MYO3A: variants seen among roughly 807,000 people sequenced by gnomAD.
MYO3A encodes myosin IIIA.
A neutral mutation model predicts 192.7 loss-of-function variants in MYO3A; 180 were observed. That is an observed-to-expected ratio of 0.93 (90% confidence interval 0.83 to 1.06). The LOEUF (loss-of-function observed/expected upper bound fraction) is 1.06, where lower values mean the gene tolerates loss of function less well. MYO3A is among the 50% of genes least tolerant of loss of function. MYO3A has a pLI of 0.00. For missense variants in MYO3A, 1,896 were observed against 1,905.0 expected (o/e 1.00, Z 0.09); for synonymous variants, 628 against 645.3 (o/e 0.97, Z 0.41).
chr10:26,211,704 G>C (rs1450577754), intron 34 of MYO3A, 139 bp from the exon 35 acceptor site: 1 of 1,335,906 alleles, frequency 7.5e-7, no homozygotes, highest in Admixed American at 2.3e-5. Flanking sequence ...CCATTATCCA[G>C]TCGTTTCGAT....
chr10:25,966,063 T>A (rs952658164), intron 4 of MYO3A, among the ~76,000 whole-genome samples: 2 of 152,106 alleles, frequency 1.3e-5, no homozygotes, highest in African/African-American at 4.8e-5. Context: ...AAGGTGTTTT[T>A]TTCTGTGTAC....
intron 10 of MYO3A, among the ~76,000 whole-genome samples, chr10:26,034,924 AGC>A (rs1842958450): frequency 3.3e-5 from 5 of 151,014 alleles, no homozygotes; most frequent in African/African-American, 9.7e-5. Flanking sequence ...TTTTACATGA[AGC>A]GTGTGTGTGT....
chr10:26,141,927 A>G, intron 20 of MYO3A, among the ~76,000 whole-genome samples: 1 of 152,210 alleles, frequency 6.6e-6, no homozygotes, highest in East Asian at 1.9e-4. Context: ...CATAGTGACT[A>G]AAAGCTCTGG....
At position 26,070,209 on chromosome 10, in the gene MYO3A, A is replaced by G. The variant is rs772862530; in HGVS notation, c.1269A>G (p.Ser423=). The change falls in exon 13 of 35, where the codon TCA becomes TCG. Residue 423 remains serine (S), a synonymous_variant. Transcript: ENST00000642920. ...LGYQSMITYN[S]DQCIVISGES... The stretch of plus-strand genomic sequence containing the variant: ...ATCAATCTATGATAACATATAATTC[A>G]GATCAGGTAAGAAGAGTCTCCCATT... 6.2e-7 allele frequency: 1 copy of G among 1,607,346 alleles called. No individual in the cohort carries two copies. Among genetic ancestry groups the G allele is most frequent in the Non-Finnish European group, 8.5e-7 (1 of 1,174,060 alleles).
At chr10:26,134,948 T>G (rs1461477775) in intron 20 of MYO3A, among the ~76,000 whole-genome samples, 2 of 152,234 alleles carry the variant, frequency 1.3e-5, no homozygotes, top group Non-Finnish European at 2.9e-5. Flanking sequence ...TCTATGTAGC[T>G]TCTTTCCTGT....
At chr10:26,060,263 A>C (rs949331808) in intron 10 of MYO3A, among the ~76,000 whole-genome samples, 1 of 113,522 alleles carries the variant, frequency 8.8e-6, no homozygotes, top group Non-Finnish European at 2.1e-5. Flanking sequence ...CCATCTCAAT[A>C]AATAAATAAA....
intron 6 of MYO3A, among the ~76,000 whole-genome samples, chr10:26,007,256 C>A (rs986809694): frequency 4.6e-5 from 7 of 150,624 alleles, no homozygotes; most frequent in African/African-American, 1.7e-4. Flanking sequence ...CTATCTATGA[C>A]AAACCCACAG....
intron 17 of MYO3A, among the ~76,000 whole-genome samples, chr10:26,101,866 T>C (rs968815419): frequency 6.6e-6 from 1 of 152,166 alleles, no homozygotes; most frequent in African/African-American, 2.4e-5. Flanking sequence ...AATCTGACAA[T>C]TATGTGTTTT....
At chr10:26,202,788 T>A in intron 33 of MYO3A, 176 bp from the exon 34 acceptor site, 1 of 671,392 alleles carries the variant, frequency 1.5e-6, no homozygotes, top group Non-Finnish European at 2.4e-6. Context: ...AGGTTTTTCT[T>A]TTTTACTTAT....
At chr10:26,041,211 C>G (rs1230524983) in intron 10 of MYO3A, among the ~76,000 whole-genome samples, 1 of 151,932 alleles carries the variant, frequency 6.6e-6, no homozygotes, top group African/African-American at 2.4e-5. Context: ...TATAGTGACT[C>G]CTGCTTTTTT....
chr10:26,065,451 T>G, intron 10 of MYO3A, among the ~76,000 whole-genome samples: 1 of 151,590 alleles, frequency 6.6e-6, no homozygotes, highest in South Asian at 2.1e-4. Context: ...CTGAGCGTGG[T>G]GGCCACGCCT....
At chr10:25,997,086 C>A in intron 5 of MYO3A, 73 bp from the exon 6 acceptor site, 2 of 1,127,870 alleles carry the variant, frequency 1.8e-6, no homozygotes, top group Non-Finnish European at 2.7e-6. Flanking sequence ...TGATTTTGTA[C>A]AGGTACATCA....
At chr10:26,003,825 G>C (rs1017688700) in intron 6 of MYO3A, among the ~76,000 whole-genome samples, 2 of 152,098 alleles carry the variant, frequency 1.3e-5, no homozygotes, top group Non-Finnish European at 2.9e-5. Flanking sequence ...TGTACTTTTT[G>C]TGATTTATTT....
At chr10:26,133,373 G>A (rs1335756169) in intron 20 of MYO3A, among the ~76,000 whole-genome samples, 9 of 152,250 alleles carry the variant, frequency 5.9e-5, no homozygotes, top group Admixed American at 2.6e-4. Flanking sequence ...GAGGTGTTTC[G>A]GGACCCTTGC....
intron 24 of MYO3A, among the ~76,000 whole-genome samples, chr10:26,154,179 T>TTGTC (rs1224304478): frequency 1.3e-5 from 2 of 152,056 alleles, no homozygotes; most frequent in South Asian, 2.1e-4. Flanking sequence ...GTTTTTGTTT[T>TTGTC]TGTTTGTTTG....
intron 10 of MYO3A, among the ~76,000 whole-genome samples, chr10:26,063,874 A>C (rs1333577623): frequency 6.6e-6 from 1 of 152,240 alleles, no homozygotes; most frequent in Non-Finnish European, 1.5e-5. Flanking sequence ...GGAAAGACAG[A>C]TTGTGTAATG....
chr10:26,123,873 C>T (rs551333271), intron 18 of MYO3A, among the ~76,000 whole-genome samples: 2 of 152,204 alleles, frequency 1.3e-5, no homozygotes, highest in South Asian at 4.2e-4. Flanking sequence ...TTGCAGTGAG[C>T]GGAGATCGTG....
intron 26 of MYO3A, among the ~76,000 whole-genome samples, chr10:26,161,873 T>C (rs1589058614): frequency 6.6e-6 from 1 of 152,290 alleles, no homozygotes; most frequent in East Asian, 1.9e-4. Context: ...TAAGTATTTA[T>C]TTCCACAAGT....
chr10:26,012,690 C>T (rs1334846517), intron 6 of MYO3A, among the ~76,000 whole-genome samples: 2 of 152,008 alleles, frequency 1.3e-5, no homozygotes, highest in African/African-American at 2.4e-5. Flanking sequence ...CATTCAATGC[C>T]ATTCCCATCA....
Sources: allele counts gnomAD v4.1 joint callset (sites outside exome capture counted in the v4.1 genomes callset), GRCh38; gene constraint gnomAD v4.1.1; transcripts MANE v1.5; gene names NCBI Gene and HGNC (gene_info 2026-07-23, HGNC 2026-07-21).